Variants in LIPI observed in about 807,000 individuals in gnomAD.
The protein encoded by LIPI is lipase I.
A neutral mutation model predicts 50.6 loss-of-function variants in LIPI; 59 were observed. The observed-to-expected ratio is 1.16, with a 90% confidence interval of 0.94 to 1.45. LIPI has a LOEUF of 1.45. Among genes scored for constraint, LIPI ranks in the 40% most tolerant of loss-of-function variants. LIPI has a pLI of 0.00. For missense variants in LIPI, 586 were observed against 536.3 expected (o/e 1.09, Z -0.92); for synonymous variants, 203 against 178.2 (o/e 1.14, Z -1.11).
In LIPI at chr21:14,191,185, C is replaced by T. The variant is rs564825144; in HGVS notation, c.47-1766G>A. Among the ~76,000 whole-genome samples, 23 of 151,264 alleles carry T rather than the reference C, an allele frequency of 1.5e-4. 1 individual carries two copies. In the South Asian group the frequency reaches 3.1e-3, roughly 21 times the overall value. On this transcript the variant is annotated intron_variant, in intron 1 of 9. Coordinates refer to ENST00000681601, the MANE Select transcript of LIPI (RefSeq NM_001302998.2). Reference sequence around the variant, plus strand: ...CGAGGTCAGGAGATCGAGACCATCCCGGCTAAAACGGTGAAACCCCGTCTC... The same window carrying T: ...CGAGGTCAGGAGATCGAGACCATCCTGGCTAAAACGGTGAAACCCCGTCTC...
chr21:14,209,532 A>T (rs1295493862), intron 1 of LIPI, among the ~76,000 whole-genome samples: 2 of 152,292 alleles, frequency 1.3e-5, no homozygotes, highest in East Asian at 1.9e-4. Flanking sequence ...GAATTTGAGG[A>T]TCAGTAAAAT....
chr21:14,112,447 T>C (rs1000292077), intron 9 of LIPI, among the ~76,000 whole-genome samples: 3 of 152,090 alleles, frequency 2.0e-5, no homozygotes, highest in Non-Finnish European at 4.4e-5. Flanking sequence ...TTTTTAACAA[T>C]ATTAACCCCT....
chr21:14,171,001 A>T (rs1170942335), intron 4 of LIPI, among the ~76,000 whole-genome samples: 1 of 151,264 alleles, frequency 6.6e-6, no homozygotes, highest in African/African-American at 2.4e-5. Context: ...TAAGCTGATA[A>T]GCAACTTCAG....
chr21:14,117,077 C>T (rs1416023618), intron 9 of LIPI, among the ~76,000 whole-genome samples: 1 of 152,154 alleles, frequency 6.6e-6, no homozygotes, highest in East Asian at 1.9e-4. Flanking sequence ...AGGAGGAACT[C>T]CAGGATGAGG....
At chr21:14,125,720 C>T (rs1340405666) in intron 9 of LIPI, among the ~76,000 whole-genome samples, 3 of 112,194 alleles carry the variant, frequency 2.7e-5, no homozygotes, top group Admixed American at 8.7e-5. Flanking sequence ...ACAATGCCTA[C>T]GTAATTTTTT....
At chr21:14,190,287 T>C (rs1191715801) in intron 1 of LIPI, among the ~76,000 whole-genome samples, 3 of 152,162 alleles carry the variant, frequency 2.0e-5, no homozygotes, top group East Asian at 3.8e-4. Flanking sequence ...TTGTTTTCTT[T>C]TTCACAGATT....
At chr21:14,186,767 C>T (rs1405581857) in intron 2 of LIPI, among the ~76,000 whole-genome samples, 1 of 152,076 alleles carries the variant, frequency 6.6e-6, no homozygotes, top group African/African-American at 2.4e-5. Flanking sequence ...ATAGAAGAGA[C>T]CTGAGGGATC....
At chr21:14,128,480 A>G (rs1262653358) in intron 9 of LIPI, among the ~76,000 whole-genome samples, 1 of 152,092 alleles carries the variant, frequency 6.6e-6, no homozygotes, top group Non-Finnish European at 1.5e-5. Context: ...TCTTAAACTA[A>G]TAGAGAGGAT....
intron 5 of LIPI, among the ~76,000 whole-genome samples, chr21:14,166,075 G>A (rs1374612673): frequency 6.6e-6 from 1 of 152,132 alleles, no homozygotes; most frequent in East Asian, 1.9e-4. Flanking sequence ...TGAGCTACAT[G>A]TGCTTCCTCA....
chr21:14,178,253 A>G (rs187571118), intron 4 of LIPI, among the ~76,000 whole-genome samples: 5 of 152,288 alleles, frequency 3.3e-5, no homozygotes, highest in Admixed American at 2.0e-4. Context: ...TGGGAAAATT[A>G]TGAGATAATA....
chr21:14,170,577 T>C (rs2018860906), intron 4 of LIPI, among the ~76,000 whole-genome samples: 2 of 152,302 alleles, frequency 1.3e-5, no homozygotes, highest in South Asian at 4.1e-4. Flanking sequence ...AATCAATAAA[T>C]GTAATCCAGC....
intron 7 of LIPI, among the ~76,000 whole-genome samples, chr21:14,163,092 G>GTA (rs35083103): frequency 1.4e-3 from 213 of 148,828 alleles, no homozygotes; most frequent in African/African-American, 4.1e-3. Context: ...TGTTCAGACT[G>GTA]TATATATATA....
intron 9 of LIPI, among the ~76,000 whole-genome samples, chr21:14,112,237 T>G (rs1394851396): frequency 6.6e-6 from 1 of 152,172 alleles, no homozygotes; most frequent in African/African-American, 2.4e-5. Context: ...TTGGTTACTA[T>G]AGCTTTCTAA....
intron 4 of LIPI, among the ~76,000 whole-genome samples, chr21:14,167,729 A>G (rs921748031): frequency 6.6e-6 from 1 of 152,122 alleles, no homozygotes; most frequent in East Asian, 1.9e-4. Flanking sequence ...CACCATCATC[A>G]AAGACCAAAA....
At position 14,189,403 on chromosome 21, in the gene LIPI, G is replaced by T. The variant is rs749004992; in HGVS notation, c.63C>A (p.Cys21Ter). ...TTACACTTAGCTGAGAGAATTCAAG[G>T]CATGGTCTTTTATTATCTGAAATAA... Reference protein sequence around the residue: ...CWVRSDNKRPCLEFSQLSVKD... With the variant: ...CWVRSDNKRP The change falls in exon 2 of 10, where the codon TGC (cysteine) becomes TGA (stop). Residue 21 changes from cysteine (C) to a stop codon, truncating the protein, a stop_gained. Transcript: ENST00000681601. LOFTEE classifies it high-confidence loss of function. 8.1e-6 allele frequency: 13 copies of T among 1,612,542 alleles called. No individual in the cohort carries two copies. Among genetic ancestry groups the T allele is most frequent in the Middle Eastern group, 1.7e-4 (1 of 6,052 alleles).
At chr21:14,139,302 A>G (rs1243482041) in intron 9 of LIPI, among the ~76,000 whole-genome samples, 1 of 152,174 alleles carries the variant, frequency 6.6e-6, no homozygotes, top group Non-Finnish European at 1.5e-5. Flanking sequence ...GTGAAACAAG[A>G]TGGCAATTTC....
intron 1 of LIPI, among the ~76,000 whole-genome samples, chr21:14,208,236 T>C (rs1361804275): frequency 1.3e-5 from 2 of 152,174 alleles, no homozygotes; most frequent in Non-Finnish European, 2.9e-5. Context: ...TATACCCTTA[T>C]TACTCCAAGG....
intron 9 of LIPI, among the ~76,000 whole-genome samples, chr21:14,118,383 G>T (rs1405474627): frequency 1.3e-5 from 2 of 152,170 alleles, no homozygotes; most frequent in African/African-American, 4.8e-5. Context: ...CAGAGCCACA[G>T]TTATCACAGA....
intron 8 of LIPI, among the ~76,000 whole-genome samples, chr21:14,146,201 C>T (rs1600860397): frequency 6.6e-6 from 1 of 151,778 alleles, no homozygotes; most frequent in Admixed American, 6.6e-5. Context: ...TGTCATTTAT[C>T]GTGTCCATGT....
Sources: gnomAD v4.1 joint callset for allele counts (sites outside exome capture counted in the v4.1 genomes callset) on GRCh38, gnomAD v4.1.1 for gene constraint, MANE v1.5 for transcripts, NCBI Gene and HGNC (gene_info 2026-07-23, HGNC 2026-07-21) for gene names.